The following CRACR2A variants were observed in gnomAD, a reference collection of about 807,000 sequenced individuals.
CRACR2A encodes calcium release activated channel regulator 2A.
CRACR2A carries 79 observed loss-of-function variants against 90.5 expected under a neutral mutation model. The ratio of observed to expected loss-of-function variants is 0.87; its 90% CI spans 0.73 to 1.05. The LOEUF is 1.05. Among genes scored for constraint, CRACR2A ranks in the 50% least tolerant of loss-of-function variants. The probability of loss-of-function intolerance (pLI) is 0.00; values close to 1 mark genes in which losing one functional copy is unlikely to be tolerated. For synonymous variants in CRACR2A, 338 were observed against 356.7 expected, an observed-to-expected ratio of 0.95 and a Z score of 0.59; for missense variants, 823 against 897.2, an observed-to-expected ratio of 0.92 and a Z score of 1.06.
At chr12:3,653,189 G>C (rs1056433402) in intron 10 of CRACR2A, among the ~76,000 whole-genome samples, 13 of 152,074 alleles carry the variant, frequency 8.5e-5, no homozygotes, top group Non-Finnish European at 1.6e-4. Context: ...CACCGTGTTG[G>C]TCAGGCTGGT....
intron 7 of CRACR2A, among the ~76,000 whole-genome samples, chr12:3,663,088 C>A (rs1288717458): frequency 2.0e-5 from 3 of 152,080 alleles, no homozygotes; most frequent in Non-Finnish European, 4.4e-5. Context: ...TAGTCCTGAA[C>A]AACTGTTTCA....
intron 4 of CRACR2A, among the ~76,000 whole-genome samples, chr12:3,691,633 T>C (rs1283903158): frequency 6.6e-6 from 1 of 152,218 alleles, no homozygotes; most frequent in African/African-American, 2.4e-5. Context: ...TTGAGGATGA[T>C]CTTCTTGTGA....
chr12:3,745,825 T>TAAAATAAAATAAAATAAAATAAAATAAAG (rs149739964), intron 1 of CRACR2A, among the ~76,000 whole-genome samples: 7,535 of 100,212 alleles, frequency 0.075, 840 homozygotes, highest in East Asian at 0.13. Flanking sequence ...TAAAATAAAA[T>TAAAATAAAATAAAATAAAATAAAATAAAG]AAAGAAAGAA....
chr12:3,660,917 T>A (rs2137507728), intron 7 of CRACR2A, among the ~76,000 whole-genome samples: 1 of 150,098 alleles, frequency 6.7e-6, no homozygotes, highest in African/African-American at 2.5e-5. Context: ...CTAACTTAAA[T>A]GATGGCAAGC....
intron 3 of CRACR2A, among the ~76,000 whole-genome samples, chr12:3,703,739 A>C (rs1945871122): frequency 6.6e-6 from 1 of 152,232 alleles, no homozygotes; most frequent in Non-Finnish European, 1.5e-5. Context: ...GAAAACAAAC[A>C]ACCCACTTTT....
intron 3 of CRACR2A, among the ~76,000 whole-genome samples, chr12:3,706,189 A>G (rs1178175158): frequency 6.6e-6 from 1 of 152,184 alleles, no homozygotes. Flanking sequence ...TGCCTCTTCT[A>G]TACACCCCAT....
intron 12 of CRACR2A, 94 bp from the exon 13 acceptor site, chr12:3,641,932 CT>C: frequency 9.3e-7 from 1 of 1,075,170 alleles, no homozygotes; most frequent in Non-Finnish European, 1.4e-6. Context: ...AGACTAGGCT[CT>C]ACACAAAACT....
intron 7 of CRACR2A, 75 bp from the exon 8 acceptor site, chr12:3,659,729 C>A: frequency 8.4e-7 from 1 of 1,190,920 alleles, no homozygotes; most frequent in Admixed American, 1.7e-5. Flanking sequence ...GCTCAGACAC[C>A]AGTTCCCCAA....
At chr12:3,689,081 G>A (rs1172300872) in intron 4 of CRACR2A, among the ~76,000 whole-genome samples, 2 of 152,186 alleles carry the variant, frequency 1.3e-5, no homozygotes, top group African/African-American at 4.8e-5. Flanking sequence ...ATCAGCTTAG[G>A]GAGCTTTTGG....
rs1478961662 is a variant in CRACR2A at position 3,720,464 on chromosome 12, A to AAAGAAAGAAAGCAAGC, written c.-117-7148_-117-7147insGCTTGCTTTCTTTCTT. 2.8e-3 allele frequency among the ~76,000 whole-genome samples: 421 copies of AAAGAAAGAAAGCAAGC among 150,854 alleles called. 6 individuals carry two copies. The highest frequency in any genetic ancestry group is 9.8e-3 in the African/African-American group (396 of 40,552). On this transcript the variant is annotated intron_variant, in intron 2 of 19. Transcript: ENST00000440314. ...GAAAGAAAGAAAGAAAGAAAGAAAG[A>AAAGAAAGAAAGCAAGC]AAGCAAAAGAAAAAAAGAAACAAAT...
intron 15 of CRACR2A, among the ~76,000 whole-genome samples, chr12:3,628,355 AGAGGAGGAGGAATAG>A (rs1474966553): frequency 6.6e-6 from 1 of 152,082 alleles, no homozygotes; most frequent in Non-Finnish European, 1.5e-5. Context: ...AAGAAGAAGG[AGAGGAGGAGGAATAG>A]GAGGAGGAGG....
At position 3,713,301 on chromosome 12, in the gene CRACR2A, G is replaced by A; in HGVS notation, c.-101C>T. 1 of 985,228 alleles carries A rather than the reference G, an allele frequency of 1.0e-6. No individual in the cohort carries two copies. Among genetic ancestry groups the A allele is most frequent in the Non-Finnish European group, 1.2e-6 (1 of 829,892 alleles). The allele number at this position is 985,228 out of a possible 1,614,324, so 61.0% of individuals were successfully genotyped here. A position where few individuals can be genotyped will look rare whatever the true frequency, so the allele number is the denominator to read the frequency against. ...ACACCTGGAGGGTACTTTGGCCACT[G>A]GTGACTTGAATTCCACCTAGGAAAC... On this transcript the variant is annotated 5_prime_UTR_variant, in exon 3 of 20. Coordinates refer to ENST00000440314, the MANE Select transcript of CRACR2A (RefSeq NM_001144958.2).
intron 1 of CRACR2A, among the ~76,000 whole-genome samples, chr12:3,744,363 C>T (rs368390167): frequency 1.6e-4 from 25 of 152,310 alleles, no homozygotes; most frequent in African/African-American, 6.0e-4. Context: ...AACCCAGATC[C>T]GTGCAGATGC....
intron 1 of CRACR2A, among the ~76,000 whole-genome samples, chr12:3,742,369 C>G (rs978886853): frequency 6.6e-6 from 1 of 152,190 alleles, no homozygotes; most frequent in Non-Finnish European, 1.5e-5. Flanking sequence ...AATACCATCT[C>G]CATCCTAATG....
chr12:3,676,490 T>G (rs1179477889), intron 6 of CRACR2A, among the ~76,000 whole-genome samples: 1 of 151,932 alleles, frequency 6.6e-6, no homozygotes, highest in Non-Finnish European at 1.5e-5. Flanking sequence ...TGCCAGAAGA[T>G]GAGGACTTTG....
rs1304120407 is a variant in CRACR2A at position 3,649,766 on chromosome 12, AG to A, written c.1047-1154del. On this transcript the variant is annotated intron_variant, in intron 10 of 19. Coordinates refer to ENST00000440314, the MANE Select transcript of CRACR2A (RefSeq NM_001144958.2). Reference sequence around the variant, plus strand: ...AATCAGCAAATAGTTGTAGGAAGAAAGAAAAGAGAGAGAGTAAAAGAGGTGA... The same window carrying A: ...AATCAGCAAATAGTTGTAGGAAGAAAAAAAGAGAGAGAGTAAAAGAGGTGA... Among the ~76,000 whole-genome samples the A allele has an allele frequency of 2.0e-5, 3 of 151,914 alleles. No homozygotes were observed. The East Asian group carries it at 5.8e-4, about 29-fold the overall frequency.
At chr12:3,620,040 G>A (rs887933983) in intron 17 of CRACR2A, among the ~76,000 whole-genome samples, 1 of 152,272 alleles carries the variant, frequency 6.6e-6, no homozygotes, top group Non-Finnish European at 1.5e-5. Flanking sequence ...CATAGCAGCT[G>A]CACTGCTTGG....
At chr12:3,690,224 T>C (rs1239398666) in intron 4 of CRACR2A, among the ~76,000 whole-genome samples, 1 of 152,210 alleles carries the variant, frequency 6.6e-6, no homozygotes, top group Non-Finnish European at 1.5e-5. Context: ...TTGCTCTTGG[T>C]TCTCTAGTTC....
At chr12:3,683,321 A>C (rs940296189) in intron 4 of CRACR2A, among the ~76,000 whole-genome samples, 8 of 152,084 alleles carry the variant, frequency 5.3e-5, no homozygotes, top group Non-Finnish European at 5.9e-5. Flanking sequence ...TACCAGCACC[A>C]CCAAAATCAG....
Sources: gnomAD v4.1 joint callset for allele counts (sites outside exome capture counted in the v4.1 genomes callset) on GRCh38, gnomAD v4.1.1 for gene constraint, MANE v1.5 for transcripts, NCBI Gene and HGNC (gene_info 2026-07-23, HGNC 2026-07-21) for gene names.